Variants in CA5A observed in about 807,000 individuals in gnomAD.
CA5A encodes the protein carbonic anhydrase 5A.
Under a neutral mutation model 37.1 loss-of-function variants are expected in CA5A, and 28 were observed. The observed-to-expected ratio is 0.75, with a 90% CI of 0.56 to 1.03. The LOEUF is 1.03. Among genes scored for constraint, CA5A ranks in the 50% least tolerant of loss-of-function variants. The pLI is 0.00. For synonymous variants in CA5A, 171 were observed against 158.4 expected (o/e 1.08, Z -0.60); for missense variants, 444 against 399.9 (o/e 1.11, Z -0.94).
intron 2 of CA5A, among the ~76,000 whole-genome samples, chr16:87,916,926 C>T (rs2056152572): frequency 6.6e-6 from 1 of 151,750 alleles, no homozygotes; most frequent in Admixed American, 6.6e-5. Context: ...CACAGTGAAA[C>T]CCCGTCTTTA....
chr16:87,929,371 G>A (rs1260240638), intron 1 of CA5A, among the ~76,000 whole-genome samples: 1 of 148,666 alleles, frequency 6.7e-6, no homozygotes, highest in Non-Finnish European at 1.5e-5. Context: ...AGAATGGCTT[G>A]AATCTGGGAG....
rs1199509351 is a variant in CA5A, at chr16:87,912,966, C to G, written c.341-8062G>C. Among the ~76,000 whole-genome samples, 3 of 151,706 alleles carry G rather than the reference C, an allele frequency of 2.0e-5. No individual in the cohort carries two copies. In the East Asian group the frequency reaches 5.8e-4, roughly 29 times the overall value. On this transcript the variant is annotated intron_variant, in intron 2 of 6. Coordinates refer to ENST00000649794, the MANE Select transcript of CA5A (RefSeq NM_001739.2). ...CGGTGGTGGCTAAAGGAAGTGGGGC[C>G]TTCGCCAACAAACCGCAACATGGTT...
chr16:87,898,500 G>C (rs1050548671), intron 5 of CA5A, among the ~76,000 whole-genome samples: 1 of 152,098 alleles, frequency 6.6e-6, no homozygotes, highest in African/African-American at 2.4e-5. Context: ...GCTCTCTCTG[G>C]GAATCACCTG....
At chr16:87,918,889 G>C (rs1416693095) in intron 2 of CA5A, among the ~76,000 whole-genome samples, 1 of 152,204 alleles carries the variant, frequency 6.6e-6, no homozygotes, top group Non-Finnish European at 1.5e-5. Flanking sequence ...CTGGAAAAAT[G>C]GGCTGCAGAG....
chr16:87,916,749 C>G (rs1024910170), intron 2 of CA5A, among the ~76,000 whole-genome samples: 7 of 152,144 alleles, frequency 4.6e-5, no homozygotes, highest in African/African-American at 1.7e-4. Flanking sequence ...TACAAAAGAC[C>G]ACACAGCACA....
rs145776363 is a variant in CA5A at position 87,923,842 on chromosome 16, A to C, written c.340+2906T>G. On this transcript the variant is annotated intron_variant, in intron 2 of 6. Transcript: ENST00000649794. Reference sequence around the variant, plus strand: ...ATCCCATAGCAACTCATCTGTATCCATGACAACTATTGTTCTCAAAATTAC... The same window carrying C: ...ATCCCATAGCAACTCATCTGTATCCCTGACAACTATTGTTCTCAAAATTAC... 1,284 of 984,784 alleles carry C rather than the reference A, an allele frequency of 1.3e-3. 9 individuals carry two copies. In the African/African-American group the frequency reaches 0.019, roughly 15 times the overall value. 61.0% of individuals were successfully genotyped at this position (984,784 alleles called of 1,614,324 possible).
rs144953793 is a variant in CA5A, at chr16:87,910,782, T to G, written c.341-5878A>C. Among the ~76,000 whole-genome samples the G allele has an allele frequency of 7.9e-4, 120 of 152,132 alleles. 1 individual carries two copies. In the East Asian group the frequency reaches 9.1e-3, roughly 12 times the overall value. On this transcript the variant is annotated intron_variant, in intron 2 of 6. Coordinates refer to ENST00000649794, the MANE Select transcript of CA5A (RefSeq NM_001739.2). ...TTTTTGTTTCTTTGAGATGGAGCCT[T>G]GCTGTCACCTAGGCTGGAGTGCAAT...
chr16:87,893,260 T>C (rs892247628), intron 5 of CA5A: 14 of 425,838 alleles, frequency 3.3e-5, no homozygotes, highest in African/African-American at 2.5e-4. Flanking sequence ...CCCTAGTAGC[T>C]GGGACTACAT....
intron 2 of CA5A, among the ~76,000 whole-genome samples, chr16:87,912,920 C>T (rs1362645668): frequency 6.6e-6 from 1 of 152,084 alleles, no homozygotes; most frequent in Non-Finnish European, 1.5e-5. Flanking sequence ...GATGGGATTA[C>T]AGGGGCAACA....
chr16:87,917,123 A>G (rs1187308025), intron 2 of CA5A, among the ~76,000 whole-genome samples: 7 of 76,714 alleles, frequency 9.1e-5, no homozygotes, highest in African/African-American at 7.1e-4. Flanking sequence ...AAAAAAAAAG[A>G]AAAGAAAAGA....
chr16:87,914,933 G>T (rs77807417), intron 2 of CA5A, among the ~76,000 whole-genome samples: 1 of 152,212 alleles, frequency 6.6e-6, no homozygotes, highest in Non-Finnish European at 1.5e-5. Flanking sequence ...TCTTCGGAAC[G>T]AGAGTTAATC....
chr16:87,888,798 C>G (rs1238684255), intron 6 of CA5A, among the ~76,000 whole-genome samples: 1 of 152,214 alleles, frequency 6.6e-6, no homozygotes, highest in East Asian at 1.9e-4. Flanking sequence ...GTTTCCCAGG[C>G]TGGAGTGTCA....
chr16:87,903,608 T>C (rs1421812863), intron 3 of CA5A, among the ~76,000 whole-genome samples: 1 of 152,216 alleles, frequency 6.6e-6, no homozygotes, highest in African/African-American at 2.4e-5. Context: ...ACAATAGATA[T>C]CACTCCCTAT....
chr16:87,928,832 C>T lies in CA5A; in HGVS notation c.143-1887G>A, dbSNP rs775645943. Among the ~76,000 whole-genome samples the T allele has an allele frequency of 2.6e-3, 348 of 135,622 alleles. 3 individuals are homozygous for T. The highest frequency in any genetic ancestry group is 3.6e-3 in the Admixed American group (44 of 12,392). 89.0% of individuals were successfully genotyped at this position (135,622 alleles called of 152,430 possible). On this transcript the variant is annotated intron_variant, in intron 1 of 6. Transcript: ENST00000649794. ...CGCCCAGGCTGCAGTGCAGTGGTGCCATCTCGGCTCACTGCACCCTGTGCC... is the reference window on the plus strand; with the variant it reads ...CGCCCAGGCTGCAGTGCAGTGGTGCTATCTCGGCTCACTGCACCCTGTGCC...
intron 3 of CA5A, 45 bp downstream of exon 3, chr16:87,904,741 C>T (rs1350843730): frequency 8.5e-7 from 1 of 1,177,132 alleles, no homozygotes; most frequent in Admixed American, 1.7e-5. Context: ...GAGCCGGAGA[C>T]ATGGAAAGTG....
At chr16:87,910,635 T>C (rs2056036766) in intron 2 of CA5A, among the ~76,000 whole-genome samples, 1 of 152,096 alleles carries the variant, frequency 6.6e-6, no homozygotes, top group Non-Finnish European at 1.5e-5. Context: ...TGGAGCGCGG[T>C]GGGGTGCTCT....
At chr16:87,892,046 G>C (rs2143904918) in intron 5 of CA5A, 92 bp from the exon 6 acceptor site, 1 of 1,213,754 alleles carries the variant, frequency 8.2e-7, no homozygotes, top group Non-Finnish European at 1.1e-6. Context: ...CATGGTGCTT[G>C]GAAGGAAGTG....
intron 2 of CA5A, among the ~76,000 whole-genome samples, chr16:87,923,136 C>T (rs1424495235): frequency 2.0e-5 from 3 of 152,140 alleles, no homozygotes; most frequent in African/African-American, 7.2e-5. Flanking sequence ...ATGAGGGTCC[C>T]GCAATACTCT....
chr16:87,904,839 C>T lies in CA5A; in HGVS notation c.406G>A (p.Val136Met), dbSNP rs372313327. 40 of 1,613,740 alleles carry T rather than the reference C, an allele frequency of 2.5e-5. No individual in the cohort carries two copies. In the African/African-American group the frequency reaches 4.9e-4, roughly 20 times the overall value. The change falls in exon 3 of 7, where the codon GTG becomes ATG. Residue 136 changes from valine (V) to methionine (M), a missense_variant. Val to Met is a conservative substitution (Grantham distance 21). Coordinates refer to ENST00000649794, the MANE Select transcript of CA5A (RefSeq NM_001739.2). ...LKQFHFHWGA[V>M]NEGGSEHTVD... ...GTGTGCTCTGAGCCCCCCTCGTTCA[C>T]TGCTCCCCAGTGGAAGTGAAATTGC...
Sources: allele counts gnomAD v4.1 joint callset (sites outside exome capture counted in the v4.1 genomes callset), GRCh38; gene constraint gnomAD v4.1.1; transcripts MANE v1.5; gene names NCBI Gene and HGNC (gene_info 2026-07-23, HGNC 2026-07-21).